The following DENND5B variants were observed in gnomAD, a reference collection of about 807,000 sequenced individuals.
DENND5B encodes the protein DENN domain-containing protein 5B.
In DENND5B, 34 loss-of-function variants were observed where a neutral mutation model predicts 140.6. The ratio of observed to expected loss-of-function variants is 0.24; its 90% CI spans 0.18 to 0.32. DENND5B has a LOEUF of 0.32. Among genes scored for constraint, DENND5B ranks in the 10% least tolerant of loss-of-function variants. The pLI is 1.00. For missense variants in DENND5B, 1,142 were observed against 1,560.2 expected, an observed-to-expected ratio of 0.73 and a Z score of 4.52; for synonymous variants, 551 against 562.1, an observed-to-expected ratio of 0.98 and a Z score of 0.28.
At chr12:31,584,193 C>G (rs1950309640) in intron 1 of DENND5B, among the ~76,000 whole-genome samples, 1 of 152,184 alleles carries the variant, frequency 6.6e-6, no homozygotes, top group East Asian at 1.9e-4. Flanking sequence ...GCAAACAGAA[C>G]TTGTACTCCT....
rs375943421 is a variant in DENND5B, at chr12:31,447,779, G to A, written c.1630-10C>T. ...CAGACAGAAAGGAAGCCTGTAATGA[G>A]ATAATTAGGAAATTATTAGTGCAAA... On this transcript the variant is annotated splice_polypyrimidine_tract_variant and intron_variant, in intron 5 of 20. Transcript: ENST00000389082. The A allele has an allele frequency of 4.5e-6, 7 of 1,554,948 alleles. No homozygotes were observed. The highest frequency in any genetic ancestry group is 6.1e-6 in the Non-Finnish European group (7 of 1,143,716).
rs1481216037 is a variant in DENND5B at position 31,575,372 on chromosome 12, C to A, written c.127+15334G>T. 2.6e-5 allele frequency among the ~76,000 whole-genome samples: 4 copies of A among 152,136 alleles called. No individual in the cohort carries two copies. The East Asian group carries it at 7.7e-4, about 29-fold the overall frequency. ...ATAATGTTGGTGCTGATTCTTGTAACAAAGGAGGACTACATCAGGGAATTA... is the reference window on the plus strand; with the variant it reads ...ATAATGTTGGTGCTGATTCTTGTAAAAAAGGAGGACTACATCAGGGAATTA... On this transcript the variant is annotated intron_variant, in intron 1 of 20. Transcript: ENST00000389082.
In DENND5B at chr12:31,402,650, G is replaced by A. The variant is rs1941865826; in HGVS notation, c.2804-7C>T. 4 of 1,580,242 alleles carry A rather than the reference G, an allele frequency of 2.5e-6. No homozygotes were observed. Among genetic ancestry groups the A allele is most frequent in the Non-Finnish European group, 3.4e-6 (4 of 1,163,596 alleles). ...ACTGACCTATACGGAATCACTGAAA[G>A]AAAAATGCAGAAATTAATTAAAAAG... is the stretch of plus-strand genomic sequence containing the variant. On this transcript the variant is annotated splice_polypyrimidine_tract_variant and splice_region_variant and intron_variant, in intron 14 of 20. Transcript: ENST00000389082.
intron 1 of DENND5B, among the ~76,000 whole-genome samples, chr12:31,548,197 G>A (rs1014268390): frequency 1.3e-5 from 2 of 151,958 alleles, no homozygotes; most frequent in African/African-American, 4.8e-5. Flanking sequence ...TTCAAGACCA[G>A]CCTGGGCAAC....
At chr12:31,436,501 C>T (rs1943762367) in intron 7 of DENND5B, among the ~76,000 whole-genome samples, 1 of 152,120 alleles carries the variant, frequency 6.6e-6, no homozygotes, top group Non-Finnish European at 1.5e-5. Flanking sequence ...ACATTTAGTA[C>T]TGCTGATCGC....
At chr12:31,588,493 TAC>T (rs1287431526) in intron 1 of DENND5B, among the ~76,000 whole-genome samples, 3 of 152,214 alleles carry the variant, frequency 2.0e-5, no homozygotes, top group African/African-American at 7.2e-5. Flanking sequence ...ACTGAACATG[TAC>T]AGACTTCTTT....
chr12:31,407,153 C>T (rs891329216), intron 14 of DENND5B, among the ~76,000 whole-genome samples: 17 of 149,356 alleles, frequency 1.1e-4, no homozygotes, highest in African/African-American at 3.0e-4. Context: ...TATTTTGAGA[C>T]GGAGTCTCGC....
At chr12:31,421,121 G>A (rs1050592248) in intron 11 of DENND5B, among the ~76,000 whole-genome samples, 2 of 152,148 alleles carry the variant, frequency 1.3e-5, no homozygotes, top group Admixed American at 1.3e-4. Context: ...TTGGCTCAAT[G>A]CAACCTCCAT....
At chr12:31,471,024 G>C (rs1390936877) in intron 3 of DENND5B, among the ~76,000 whole-genome samples, 2 of 152,136 alleles carry the variant, frequency 1.3e-5, no homozygotes, top group African/African-American at 4.8e-5. Flanking sequence ...CAAACCAACA[G>C]AAAAAAGTTA....
chr12:31,537,576 A>G (rs897481881), intron 1 of DENND5B, among the ~76,000 whole-genome samples: 4 of 152,182 alleles, frequency 2.6e-5, no homozygotes, highest in Non-Finnish European at 5.9e-5. Context: ...CCATAAAACA[A>G]CCAGAAAATA....
chr12:31,535,722 C>A (rs952374834), intron 1 of DENND5B, among the ~76,000 whole-genome samples: 1 of 152,184 alleles, frequency 6.6e-6, no homozygotes, highest in Non-Finnish European at 1.5e-5. Context: ...AAATACCTGA[C>A]TCTTCAATGC....
chr12:31,590,818 G>A lies in DENND5B; in HGVS notation c.15C>T (p.Cys5=). Residue 5 remains cysteine, a synonymous_variant, in exon 1 of 21, where the codon TGC becomes TGT. Transcript: ENST00000389082. Reference sequence around the variant, plus strand: ...AGCCCGAGCCCGGGCCGGGCGCCGCGCAGCTCCCGCTCATCCCGGCCGCGC... The same window carrying A: ...AGCCCGAGCCCGGGCCGGGCGCCGCACAGCTCCCGCTCATCCCGGCCGCGC... MSGS[C]AAPGPGSGSS... The A allele has an allele frequency of 7.8e-7, 1 of 1,284,074 alleles. No homozygotes were observed. The highest frequency in any genetic ancestry group is 2.5e-5 in the South Asian group (1 of 40,760). 79.5% of individuals were successfully genotyped at this position (1,284,074 alleles called of 1,614,324 possible).
intron 12 of DENND5B, among the ~76,000 whole-genome samples, chr12:31,414,343 A>G (rs934796688): frequency 4.6e-5 from 7 of 152,218 alleles, no homozygotes; most frequent in Non-Finnish European, 4.4e-5. Context: ...GAAGTCTTCT[A>G]AAGATTTCTT....
intron 15 of DENND5B, 137 bp from the exon 16 acceptor site, chr12:31,399,909 G>A: frequency 3.3e-6 from 2 of 609,498 alleles, no homozygotes; most frequent in East Asian, 2.8e-5. Flanking sequence ...ATGCACTAGA[G>A]AAATATATTC....
At chr12:31,568,739 C>A (rs1342002819) in intron 1 of DENND5B, among the ~76,000 whole-genome samples, 1 of 152,182 alleles carries the variant, frequency 6.6e-6, no homozygotes, top group Non-Finnish European at 1.5e-5. Flanking sequence ...AAATTACACC[C>A]TGAACACATG....
chr12:31,574,621 G>A (rs1007288740), intron 1 of DENND5B, among the ~76,000 whole-genome samples: 1 of 152,012 alleles, frequency 6.6e-6, no homozygotes. Context: ...AAAGGGAGGT[G>A]GAGGGGGAAT....
chr12:31,400,839 T>TG (rs1941752761), intron 15 of DENND5B, among the ~76,000 whole-genome samples: 1 of 85,806 alleles, frequency 1.2e-5, no homozygotes, highest in Admixed American at 1.9e-4. Flanking sequence ...AGCTACGAGT[T>TG]TTTTTTTTTT....
At chr12:31,580,587 T>C (rs922000055) in intron 1 of DENND5B, among the ~76,000 whole-genome samples, 18 of 152,098 alleles carry the variant, frequency 1.2e-4, no homozygotes, top group African/African-American at 4.3e-4. Flanking sequence ...CTTGACATCC[T>C]GGGTTCAAGC....
chr12:31,415,509 T>C lies in DENND5B; in HGVS notation c.2471-61A>G, dbSNP rs753801953. The C allele has an allele frequency of 1.5e-4, 197 of 1,345,804 alleles. No individual in the cohort carries two copies. In the Admixed American group the frequency reaches 2.7e-3, roughly 18 times the overall value. The allele number at this position is 1,345,804 out of a possible 1,614,324, so 83.4% of individuals were successfully genotyped here. A position where few individuals can be genotyped will look rare whatever the true frequency, so the allele number is the denominator to read the frequency against. ...TAATAAAAAATATACATGGTTCATA[T>C]TAAATACTTTGAAACTGCTTCGATA... On this transcript the variant is annotated intron_variant, in intron 11 of 20. Transcript: ENST00000389082.
Sources: gnomAD v4.1 joint callset for allele counts (sites outside exome capture counted in the v4.1 genomes callset) on GRCh38, gnomAD v4.1.1 for gene constraint, MANE v1.5 for transcripts, NCBI Gene and HGNC (gene_info 2026-07-23, HGNC 2026-07-21) for gene names.